Variants in ARID1B observed in about 807,000 individuals in gnomAD.
The protein encoded by ARID1B is AT-rich interaction domain 1B.
In ARID1B, 30 loss-of-function variants were observed where a neutral mutation model predicts 212.3. The observed-to-expected ratio is 0.14, with a 90% CI of 0.11 to 0.19. ARID1B has a LOEUF of 0.19. Among genes scored for constraint, ARID1B ranks in the 10% least tolerant of loss-of-function variants. The probability of loss-of-function intolerance (pLI) is 1.00; values close to 1 mark genes in which losing one functional copy is unlikely to be tolerated. For synonymous variants in ARID1B, 1,402 were observed against 1,301.7 expected (o/e 1.08, Z -1.66); for missense variants, 2,891 against 3,204.0 (o/e 0.90, Z 2.36).
intron 4 of ARID1B, among the ~76,000 whole-genome samples, chr6:156,987,159 CAGAG>C (rs56189333): frequency 0.037 from 5,185 of 141,436 alleles, 111 homozygotes; most frequent in African/African-American, 0.064. Context: ...GCCTCGGTGA[CAGAG>C]AGAGAGAGAG....
chr6:156,940,384 A>T (rs1447855718), intron 4 of ARID1B: 1 of 152,240 alleles, frequency 6.6e-6, no homozygotes, highest in Admixed American at 6.5e-5. Flanking sequence ...AATGTGTTGA[A>T]TAGTGCTTAT....
intron 5 of ARID1B, among the ~76,000 whole-genome samples, chr6:157,109,030 A>G (rs577587066): frequency 4.7e-4 from 71 of 152,348 alleles, no homozygotes; most frequent in South Asian, 4.1e-4. Flanking sequence ...ACAGCTATTT[A>G]TACGTGTTAT....
rs762401544 is a variant in ARID1B at position 157,084,762 on chromosome 6, G to A, written c.2348G>A (p.Ser783Asn). 12 of 1,614,188 alleles carry A rather than the reference G, an allele frequency of 7.4e-6. No individual in the cohort carries two copies. Among genetic ancestry groups the A allele is most frequent in the African/African-American group, 1.3e-5 (1 of 75,052 alleles). ...SGSTSSQGDQ[S>N]NPAQSPFSPH... Reference sequence around the variant, plus strand: ...TCCACGAGCAGCCAAGGGGATCAGAGCAACCCGGCGCAGTCGCCTTTCTCC... The same window carrying A: ...TCCACGAGCAGCCAAGGGGATCAGAACAACCCGGCGCAGTCGCCTTTCTCC... Residue 783 changes from serine (S) to asparagine (N), a missense_variant, in exon 5 of 20, where the codon AGC becomes AAC. Ser to Asn is a conservative substitution (Grantham distance 46). Coordinates refer to ENST00000636930, the MANE Select transcript of ARID1B (RefSeq NM_001374828.1).
At chr6:157,008,426 G>A (rs1392614953) in intron 4 of ARID1B, among the ~76,000 whole-genome samples, 2 of 152,138 alleles carry the variant, frequency 1.3e-5, no homozygotes, top group East Asian at 3.9e-4. Flanking sequence ...ATGCTGCTAA[G>A]TATTATTGAA....
chr6:157,093,147 G>T (rs1414166390), intron 5 of ARID1B, among the ~76,000 whole-genome samples: 1 of 152,178 alleles, frequency 6.6e-6, no homozygotes, highest in African/African-American at 2.4e-5. Flanking sequence ...TTTTAGCCTA[G>T]AAGTAAAAAG....
At position 156,967,000 on chromosome 6, in the gene ARID1B, A is replaced by C. The variant is rs554456694; in HGVS notation, c.2247+31424A>C. On this transcript the variant is annotated intron_variant, in intron 4 of 19. Coordinates refer to ENST00000636930, the MANE Select transcript of ARID1B (RefSeq NM_001374828.1). ...CAGGCATGAGCCACCATGTCCTGCTATAAATAACTTTTAATAGGCTCTTTT... is the reference window on the plus strand; with the variant it reads ...CAGGCATGAGCCACCATGTCCTGCTCTAAATAACTTTTAATAGGCTCTTTT... 3.3e-5 allele frequency among the ~76,000 whole-genome samples: 5 copies of C among 152,322 alleles called. No homozygotes were observed. In the East Asian group the frequency reaches 9.6e-4, roughly 29 times the overall value.
At chr6:156,966,686 C>G (rs769765874) in intron 4 of ARID1B, among the ~76,000 whole-genome samples, 1 of 147,660 alleles carries the variant, frequency 6.8e-6, no homozygotes, top group African/African-American at 2.5e-5. Context: ...TGAGCCACTG[C>G]GCCTGGCCAT....
intron 1 of ARID1B, among the ~76,000 whole-genome samples, chr6:156,786,904 T>C (rs1052325815): frequency 6.6e-6 from 1 of 151,972 alleles, no homozygotes; most frequent in Non-Finnish European, 1.5e-5. Flanking sequence ...TTTAAACAAA[T>C]TGCAGATAGC....
At chr6:157,077,112 T>A (rs919360624) in intron 4 of ARID1B, among the ~76,000 whole-genome samples, 1 of 152,204 alleles carries the variant, frequency 6.6e-6, no homozygotes, top group Non-Finnish European at 1.5e-5. Flanking sequence ...ATTATTGCAA[T>A]CTAGAAAACA....
At chr6:156,827,510 T>G (rs1782822247) in intron 1 of ARID1B, among the ~76,000 whole-genome samples, 1 of 152,238 alleles carries the variant, frequency 6.6e-6, no homozygotes, top group Non-Finnish European at 1.5e-5. Context: ...TGTGTTCATC[T>G]GTCAGAGGCA....
intron 6 of ARID1B, among the ~76,000 whole-genome samples, chr6:157,121,075 G>C (rs1338083634): frequency 6.6e-6 from 1 of 152,168 alleles, no homozygotes; most frequent in African/African-American, 2.4e-5. Flanking sequence ...CCCATGAAGA[G>C]GAAAAGAATA....
intron 4 of ARID1B, among the ~76,000 whole-genome samples, chr6:156,963,909 C>G (rs1254483388): frequency 6.6e-6 from 1 of 152,236 alleles, no homozygotes; most frequent in Non-Finnish European, 1.5e-5. Context: ...AGTTTGGATT[C>G]TGGAAACGGT....
chr6:156,982,659 T>C (rs189303710), intron 4 of ARID1B, among the ~76,000 whole-genome samples: 176 of 152,230 alleles, frequency 1.2e-3, no homozygotes, highest in African/African-American at 4.0e-3. Flanking sequence ...TGACTCTATC[T>C]GCCAATCTGA....
chr6:157,045,653 A>T (rs76110016), intron 4 of ARID1B, among the ~76,000 whole-genome samples: 3,108 of 152,336 alleles, frequency 0.02, 116 homozygotes, highest in African/African-American at 0.071. Context: ...AACCAATGTC[A>T]TTGAAACAAA....
chr6:156,980,701 GAGTGGAGGGACGGCCTTTGAGAC>G (rs1407675541), intron 4 of ARID1B, among the ~76,000 whole-genome samples: 2 of 152,132 alleles, frequency 1.3e-5, no homozygotes, highest in Non-Finnish European at 2.9e-5. Context: ...GGGATCCCTG[GAGTGGAGGGACGGCCTTTGAGAC>G]AGTGGAGGGA....
At chr6:157,056,777 A>G (rs562037980) in intron 4 of ARID1B, among the ~76,000 whole-genome samples, 25 of 152,278 alleles carry the variant, frequency 1.6e-4, no homozygotes, top group African/African-American at 5.5e-4. Flanking sequence ...GGAGCATATA[A>G]GGAGAAACTT....
intron 4 of ARID1B, among the ~76,000 whole-genome samples, chr6:156,975,896 A>G (rs1022682098): frequency 3.3e-5 from 5 of 152,102 alleles, no homozygotes; most frequent in Non-Finnish European, 7.3e-5. Context: ...GAGTCAGCAA[A>G]GGGTGATGGG....
chr6:157,123,871 G>A (rs1265049876), intron 6 of ARID1B, among the ~76,000 whole-genome samples: 3 of 152,244 alleles, frequency 2.0e-5, no homozygotes, highest in Non-Finnish European at 4.4e-5. Flanking sequence ...GGAAAGTGAT[G>A]CTTTGCAGCT....
At chr6:156,855,907 G>A (rs539024785) in intron 2 of ARID1B, among the ~76,000 whole-genome samples, 12 of 152,298 alleles carry the variant, frequency 7.9e-5, no homozygotes, top group African/African-American at 2.9e-4. Context: ...TGAAATACCA[G>A]TATGAGAATA....
Sources: allele counts gnomAD v4.1 joint callset (sites outside exome capture counted in the v4.1 genomes callset), GRCh38; gene constraint gnomAD v4.1.1; transcripts MANE v1.5; gene names NCBI Gene and HGNC (gene_info 2026-07-23, HGNC 2026-07-21).